The following OGG1 variants were observed in gnomAD, a reference collection of about 807,000 sequenced individuals.
The protein encoded by OGG1 is 8-oxoguanine DNA glycosylase, also known as N-glycosylase/DNA lyase.
A neutral mutation model predicts 42.3 loss-of-function variants in OGG1; 35 were observed. That is an observed-to-expected ratio of 0.83 (90% CI 0.63 to 1.10). OGG1 has a LOEUF of 1.10. Ranked by LOEUF, OGG1 falls within the 50% of genes least tolerant of loss-of-function variation. The probability of loss-of-function intolerance (pLI) is 0.00; values close to 1 mark genes in which losing one functional copy is unlikely to be tolerated. For synonymous variants in OGG1, 189 were observed against 179.0 expected (o/e 1.06, Z -0.44); for missense variants, 484 against 446.7 (o/e 1.08, Z -0.75).
intron 3 of OGG1, chr3:9,785,518 A>G: frequency 1.2e-6 from 1 of 824,084 alleles, no homozygotes; most frequent in Non-Finnish European, 1.9e-6. Context: ...AACACCAGAA[A>G]TATCCTTTTA....
chr3:9,775,066 C>A (rs2078348093), intron 2 of OGG1, among the ~76,000 whole-genome samples: 1 of 151,406 alleles, frequency 6.6e-6, no homozygotes, highest in African/African-American at 2.4e-5. Context: ...ATGGTGAGAC[C>A]CTGTCTCTAC....
exon 8 of OGG1, chr3:9,765,904 G>A: frequency 1.2e-6 from 2 of 1,613,936 alleles, no homozygotes; most frequent in South Asian, 1.1e-5. Context: ...TCGGGAGAGG[G>A]GATTCACAAG....
chr3:9,770,927 A>G (rs575751750), downstream of OGG1, among the ~76,000 whole-genome samples: 19 of 152,202 alleles, frequency 1.2e-4, no homozygotes, highest in Non-Finnish European at 2.8e-4. Flanking sequence ...GAATTCTTGC[A>G]TGTTCCAGCT....
intron 2 of OGG1, chr3:9,780,403 T>C (rs2078431188): frequency 6.2e-7 from 1 of 1,613,484 alleles, no homozygotes; most frequent in Non-Finnish European, 8.5e-7. Context: ...CTTCAGAGTC[T>C]TCCAGGCCTG....
downstream of OGG1, chr3:9,789,796 G>A: frequency 6.2e-7 from 1 of 1,614,216 alleles, no homozygotes; most frequent in Admixed American, 1.7e-5. Flanking sequence ...TGGGCTGAAG[G>A]TTTTTGGATT....
At position 9,781,429 on chromosome 3, in the gene OGG1, TG is replaced by T. The variant is rs2078461280; in HGVS notation, c.295-83del. ...CCGTGAGGAAAATGAGGCTCAAAGATGATCCCAGGATCCCACAGTTAGTGAG... is the reference window on the plus strand; with the variant it reads ...CCGTGAGGAAAATGAGGCTCAAAGATATCCCAGGATCCCACAGTTAGTGAG... On this transcript the variant is annotated intron_variant, in intron 2 of 3. Transcript: ENST00000426518. 6.9e-6 allele frequency: 3 copies of T among 436,422 alleles called. No individual in the cohort carries two copies. In the Admixed American group the frequency reaches 7.1e-5, roughly 10 times the overall value. The allele number at this position is 436,422 out of a possible 1,614,324, so 27.0% of individuals were successfully genotyped here. A position where few individuals can be genotyped will look rare whatever the true frequency, so the allele number is the denominator to read the frequency against.
chr3:9,785,091 C>T (rs1390398419), intron 3 of OGG1, among the ~76,000 whole-genome samples: 5 of 152,176 alleles, frequency 3.3e-5, no homozygotes, highest in African/African-American at 1.2e-4. Context: ...TCCCCTTCAG[C>T]AGGACATTTG....
downstream of OGG1, among the ~76,000 whole-genome samples, chr3:9,769,057 T>A (rs2078234562): frequency 6.6e-6 from 1 of 151,936 alleles, no homozygotes; most frequent in Non-Finnish European, 1.5e-5. Context: ...CAGTACGCCT[T>A]GTATCCACAT....
At chr3:9,767,766 A>C (rs772792286), downstream of OGG1, 4 of 1,613,560 alleles carry the variant, frequency 2.5e-6, no homozygotes, top group Admixed American at 5.0e-5. Flanking sequence ...CTGCCCCCCG[A>C]CCACAGCCAG....
chr3:9,754,759 C>A lies in OGG1; in HGVS notation c.621C>A (p.Tyr207Ter), dbSNP rs761255746. The part of the protein sequence containing the change: ...RKLGLGYRAR[Y>*]VSASARAILE... ...TGGGCCTGGGCTATCGTGCCCGTTACGTGAGTGCCAGTGCCCGAGCCATCC... is the reference window on the plus strand; with the variant it reads ...TGGGCCTGGGCTATCGTGCCCGTTAAGTGAGTGCCAGTGCCCGAGCCATCC... The change falls in exon 4 of 7, where the codon TAC (tyrosine) becomes TAA (stop). Residue 207 changes from tyrosine (Y) to a stop codon, truncating the protein, a stop_gained. Transcript: ENST00000344629. LOFTEE classifies it high-confidence loss of function. The A allele has an allele frequency of 6.2e-7, 1 of 1,614,052 alleles. No homozygotes were observed. The highest frequency in any genetic ancestry group is 1.3e-5 in the African/African-American group (1 of 74,938).
downstream of OGG1, among the ~76,000 whole-genome samples, chr3:9,790,890 C>G (rs1394157619): frequency 1.3e-5 from 2 of 152,274 alleles, no homozygotes; most frequent in East Asian, 3.9e-4. Context: ...ATTCCAGTTC[C>G]CTAGGACTGC....
downstream of OGG1, chr3:9,759,696 C>G: frequency 6.2e-7 from 1 of 1,614,206 alleles, no homozygotes; most frequent in Non-Finnish European, 8.5e-7. Context: ...GGCCTGCTCA[C>G]AGGTGAATCT....
At chr3:9,763,338 T>C (rs2077980101) in intron 7 of OGG1, 3 of 1,138,656 alleles carry the variant, frequency 2.6e-6, no homozygotes, top group African/African-American at 3.1e-5. Flanking sequence ...AGCTGCAGTC[T>C]GTTATGATTG....
In OGG1 at chr3:9,750,345, C is replaced by T; in HGVS notation, c.59C>T (p.Pro20Leu). 3.1e-6 allele frequency: 5 copies of T among 1,614,034 alleles called. No homozygotes were observed. Among genetic ancestry groups the T allele is most frequent in the African/African-American group, 1.3e-5 (1 of 75,052 alleles). ...GGGCATCGTACTCTAGCCTCCACTC[C>T]TGCCCTGTGGGCCTCCATCCCGTGC... The part of the protein sequence containing the change: ...RMGHRTLAST[P>L]ALWASIPCPR... The change falls in exon 1 of 7, where the codon CCT (proline) becomes CTT (leucine). Residue 20 changes from proline to leucine, a missense_variant. Physicochemically the swap from Pro to Leu is moderately conservative, Grantham distance 98. Coordinates refer to ENST00000344629, the MANE Select transcript of OGG1 (RefSeq NM_002542.6).
At chr3:9,789,707 C>G, downstream of OGG1, 1 of 1,611,684 alleles carries the variant, frequency 6.2e-7, no homozygotes, top group Non-Finnish European at 8.5e-7. Flanking sequence ...TTCTCTAGCC[C>G]AGAACCTGTT....
chr3:9,777,947 G>A (rs1192421022), intron 2 of OGG1, among the ~76,000 whole-genome samples: 2 of 152,196 alleles, frequency 1.3e-5, no homozygotes, highest in Admixed American at 6.5e-5. Flanking sequence ...CACATACACT[G>A]TAATGGGAGT....
At chr3:9,763,144 C>T (rs2077969470) in intron 7 of OGG1, 3 of 1,614,078 alleles carry the variant, frequency 1.9e-6, no homozygotes, top group Non-Finnish European at 2.5e-6. Context: ...CTCACAGCTG[C>T]ATGATGAGGT....
chr3:9,790,667 GTACT>G (rs1033568567), downstream of OGG1, among the ~76,000 whole-genome samples: 59 of 152,316 alleles, frequency 3.9e-4, no homozygotes, highest in African/African-American at 1.4e-3. Flanking sequence ...AACATCTGAA[GTACT>G]TACTTAGTGT....
exon 8 of OGG1, chr3:9,765,979 C>G: frequency 1.2e-5 from 19 of 1,614,240 alleles, no homozygotes; most frequent in Non-Finnish European, 1.6e-5. Context: ...TCTGTGACCA[C>G]TGCTGGACCA....
Sources: gnomAD v4.1 joint callset for allele counts (sites outside exome capture counted in the v4.1 genomes callset) on GRCh38, gnomAD v4.1.1 for gene constraint, MANE v1.5 for transcripts, NCBI Gene and HGNC (gene_info 2026-07-23, HGNC 2026-07-21) for gene names.